Variants in CCDC192 observed in about 807,000 individuals in gnomAD.
CCDC192 encodes the protein coiled-coil domain containing 192, also known as coiled-coil domain-containing protein 192.
Position 127,749,507 on chromosome 5 carries a change from C to T in CCDC192, c.115-4761C>T, listed in dbSNP as rs866832510. 1.3e-3 allele frequency among the ~76,000 whole-genome samples: 196 copies of T among 151,928 alleles called. 1 individual carries two copies. The highest frequency in any genetic ancestry group is 4.5e-3 in the African/African-American group (186 of 41,432). On this transcript the variant is annotated intron_variant, in intron 2 of 6. Transcript: ENST00000514853. ...AAGCTTTTTGATGTGCTGCTGGATT[C>T]GTTTTGCCAGTATTTTATTGAGGAT...
In CCDC192 at chr5:127,756,557, G is replaced by T. The variant is rs540752036; in HGVS notation, c.222+2182G>T. On this transcript the variant is annotated intron_variant, in intron 3 of 6. Transcript: ENST00000514853. ...GTGTCAGCTGATCCATCGAGTGCAG[G>T]ATCTGCAAAATATCTGAAGCACTGA... Among the ~76,000 whole-genome samples, 28 of 152,318 alleles carry T rather than the reference G, an allele frequency of 1.8e-4. No individual in the cohort carries two copies. The South Asian group carries it at 5.2e-3, about 28-fold the overall frequency.
chr5:127,860,370 C>T (rs1282678517), intron 5 of CCDC192, among the ~76,000 whole-genome samples: 3 of 152,092 alleles, frequency 2.0e-5, no homozygotes, highest in Non-Finnish European at 4.4e-5. Flanking sequence ...ATTTTCTCTG[C>T]TTTGGAAAGT....
intron 3 of CCDC192, among the ~76,000 whole-genome samples, chr5:127,783,003 T>G (rs561916943): frequency 3.7e-4 from 56 of 151,736 alleles, no homozygotes; most frequent in East Asian, 1.5e-3. Flanking sequence ...TGGGGTTTTT[T>G]TTTTTTTTTT....
chr5:127,857,025 C>A (rs1751131016), intron 5 of CCDC192, among the ~76,000 whole-genome samples: 1 of 152,150 alleles, frequency 6.6e-6, no homozygotes, highest in South Asian at 2.1e-4. Context: ...CACACACTTT[C>A]AATTTGTGAA....
chr5:127,876,814 G>A (rs1408554053), intron 6 of CCDC192, among the ~76,000 whole-genome samples: 1 of 152,178 alleles, frequency 6.6e-6, no homozygotes, highest in African/African-American at 2.4e-5. Context: ...AGCTTTTCAT[G>A]TGAATTTGAT....
intron 6 of CCDC192, among the ~76,000 whole-genome samples, chr5:127,910,572 T>G (rs1753318460): frequency 6.6e-6 from 1 of 152,190 alleles, no homozygotes; most frequent in Non-Finnish European, 1.5e-5. Flanking sequence ...TTAGTGATTG[T>G]TCAGAACTGA....
chr5:127,759,951 TACAGACTGGGAGCTGTTTTCCTTG>T (rs958402075), intron 3 of CCDC192, among the ~76,000 whole-genome samples: 6 of 152,154 alleles, frequency 3.9e-5, no homozygotes, highest in African/African-American at 1.4e-4. Flanking sequence ...TCTGATTTTG[TACAGACTGGGAGCTGTTTTCCTTG>T]GCAAGCTGGG....
At chr5:127,910,224 T>C (rs1753308518) in intron 6 of CCDC192, among the ~76,000 whole-genome samples, 1 of 152,244 alleles carries the variant, frequency 6.6e-6, no homozygotes, top group South Asian at 2.1e-4. Context: ...GCTGTCAAGA[T>C]GATGAATGTA....
intron 6 of CCDC192, among the ~76,000 whole-genome samples, chr5:127,916,502 A>G (rs941725736): frequency 6.6e-6 from 1 of 152,240 alleles, no homozygotes; most frequent in Admixed American, 6.5e-5. Context: ...TGAAAGTTAT[A>G]ACCTTACAAA....
chr5:127,760,674 C>T (rs1346955644), intron 3 of CCDC192, among the ~76,000 whole-genome samples: 1 of 141,878 alleles, frequency 7.0e-6, no homozygotes, highest in Non-Finnish European at 1.5e-5. Context: ...TGCACTCCAG[C>T]CTGGGTGACA....
chr5:127,857,294 C>G (rs758161092), intron 5 of CCDC192, among the ~76,000 whole-genome samples: 39 of 152,120 alleles, frequency 2.6e-4, no homozygotes, highest in Non-Finnish European at 5.0e-4. Context: ...TGGGACTCAT[C>G]CTGAATACCT....
intron 5 of CCDC192, among the ~76,000 whole-genome samples, chr5:127,804,311 A>G (rs1290960566): frequency 6.6e-6 from 1 of 152,126 alleles, no homozygotes; most frequent in Non-Finnish European, 1.5e-5. Context: ...CTCTCCCACT[A>G]TGTGCAATCT....
chr5:127,869,175 T>A (rs1422416611), intron 5 of CCDC192, among the ~76,000 whole-genome samples: 1 of 151,982 alleles, frequency 6.6e-6, no homozygotes, highest in Non-Finnish European at 1.5e-5. Flanking sequence ...ATACAAAAAA[T>A]TAGCTGTGCC....
At chr5:127,871,885 T>A (rs1249311416) in intron 5 of CCDC192, among the ~76,000 whole-genome samples, 1 of 152,230 alleles carries the variant, frequency 6.6e-6, no homozygotes, top group Admixed American at 6.5e-5. Flanking sequence ...GGAATTTACC[T>A]CCAAGCTATA....
chr5:127,725,385 T>G, intron 2 of CCDC192, among the ~76,000 whole-genome samples: 1 of 152,216 alleles, frequency 6.6e-6, no homozygotes, highest in Non-Finnish European at 1.5e-5. Flanking sequence ...AACAGAAATA[T>G]ATTTCATGTT....
chr5:127,760,701 CAAAAAAAA>C (rs56177728), intron 3 of CCDC192, among the ~76,000 whole-genome samples: 3 of 54,942 alleles, frequency 5.5e-5, no homozygotes, highest in Non-Finnish European at 1.1e-4. Flanking sequence ...GATTCTGTCT[CAAAAAAAA>C]AAAAAAAAAA....
intron 6 of CCDC192, among the ~76,000 whole-genome samples, chr5:127,885,545 C>A (rs980582900): frequency 2.0e-5 from 3 of 152,160 alleles, no homozygotes; most frequent in Non-Finnish European, 4.4e-5. Context: ...TCCCCAGAAA[C>A]CTCACTATTA....
intron 3 of CCDC192, among the ~76,000 whole-genome samples, chr5:127,759,775 G>A (rs1046476047): frequency 3.9e-5 from 6 of 152,184 alleles, no homozygotes; most frequent in Admixed American, 6.5e-5. Context: ...ACACTGCCCC[G>A]CTCGCTACCC....
chr5:127,749,662 T>C (rs533424361), intron 2 of CCDC192, among the ~76,000 whole-genome samples: 5 of 152,266 alleles, frequency 3.3e-5, no homozygotes, highest in African/African-American at 9.6e-5. Flanking sequence ...CTTTTTCTAT[T>C]GATTGGAATA....
Sources: gnomAD v4.1 joint callset for allele counts (sites outside exome capture counted in the v4.1 genomes callset) on GRCh38, gnomAD v4.1.1 for gene constraint, MANE v1.5 for transcripts, NCBI Gene and HGNC (gene_info 2026-07-23, HGNC 2026-07-21) for gene names.